Variants in ZNF667 observed in about 807,000 individuals in gnomAD.
The protein encoded by ZNF667 is myocardial ischemic preconditioning upregulated 1 ortholog.
In ZNF667, 13 loss-of-function variants were observed where a neutral mutation model predicts 31.8. The ratio of observed to expected loss-of-function variants is 0.41; its 90% CI spans 0.27 to 0.65. The LOEUF is 0.65. ZNF667 is among the 30% of genes least tolerant of loss of function. ZNF667 has a pLI of 0.32. For missense variants in ZNF667, 642 were observed against 725.6 expected, an observed-to-expected ratio of 0.88 and a Z score of 1.32; for synonymous variants, 228 against 247.1, an observed-to-expected ratio of 0.92 and a Z score of 0.73.
Position 56,440,631 on chromosome 19 carries a change from A to C in ZNF667, c.*531T>G. ...TCTTTAAAACTATGCTGGAAGTAAA[A>C]TATCGGTAATTTTTTTTTTTTTTGA... is the stretch of plus-strand genomic sequence containing the variant. On this transcript the variant is annotated 3_prime_UTR_variant, in exon 7 of 7. Transcript: ENST00000504904. 1.0e-6 allele frequency: 1 copy of C among 957,258 alleles called. No individual in the cohort carries two copies. The highest frequency in any genetic ancestry group is 1.2e-6 in the Non-Finnish European group (1 of 815,258). The allele number at this position is 957,258 out of a possible 1,614,324, so 59.3% of individuals were successfully genotyped here.
chr19:56,450,695 C>T (rs1462175333), intron 6 of ZNF667, among the ~76,000 whole-genome samples: 2 of 152,066 alleles, frequency 1.3e-5, no homozygotes, highest in African/African-American at 4.8e-5. Context: ...AAAATATAAA[C>T]AACAAAAAGT....
intron 3 of ZNF667, chr19:56,469,985 T>A (rs749513153): frequency 2.1e-6 from 1 of 474,718 alleles, no homozygotes; most frequent in African/African-American, 2.0e-5. Context: ...ACACATTCCA[T>A]TGTGAGCACA....
intron 6 of ZNF667, among the ~76,000 whole-genome samples, chr19:56,447,520 G>A (rs1015501266): frequency 6.6e-6 from 1 of 152,096 alleles, no homozygotes; most frequent in South Asian, 2.1e-4. Flanking sequence ...AGGAGTTTAA[G>A]GTTGCAGTGA....
chr19:56,439,752 TC>T lies in ZNF667; in HGVS notation c.*1409del. ...TCACTGCAACCTCCGCCTCCTGGGT[TC>T]AAGCGATTCTTCTCCTTCAGCCTCC... On this transcript the variant is annotated 3_prime_UTR_variant, in exon 7 of 7. Coordinates refer to ENST00000504904, the MANE Select transcript of ZNF667 (RefSeq NM_001321356.2). 1 of 152,792 alleles carries T rather than the reference TC, an allele frequency of 6.5e-6. No individual in the cohort carries two copies. The highest frequency in any genetic ancestry group is 1.9e-4 in the East Asian group (1 of 5,210). 9.5% of individuals were successfully genotyped at this position (152,792 alleles called of 1,614,324 possible).
At chr19:56,454,920 A>C (rs1342496316) in intron 6 of ZNF667, among the ~76,000 whole-genome samples, 1 of 152,034 alleles carries the variant, frequency 6.6e-6, no homozygotes, top group Non-Finnish European at 1.5e-5. Context: ...TTTGCAAACT[A>C]CCCATCTGAC....
chr19:56,446,999 C>T (rs146157940), intron 6 of ZNF667, among the ~76,000 whole-genome samples: 59 of 152,114 alleles, frequency 3.9e-4, no homozygotes, highest in African/African-American at 1.3e-3. Flanking sequence ...ACACCAGACA[C>T]CAAAATTAAT....
intron 3 of ZNF667, chr19:56,468,791 A>G (rs1476385444): frequency 6.6e-6 from 1 of 152,262 alleles, no homozygotes; most frequent in African/African-American, 2.4e-5. Context: ...TGGGCTCAAC[A>G]TAATTACAAA....
intron 6 of ZNF667, among the ~76,000 whole-genome samples, chr19:56,447,850 C>T (rs1309479797): frequency 2.0e-5 from 3 of 152,082 alleles, no homozygotes; most frequent in African/African-American, 7.2e-5. Flanking sequence ...CACTGCACTC[C>T]AGCCTAGGTG....
chr19:56,442,605 G>A lies in ZNF667; in HGVS notation c.390C>T (p.Val130=). 2.5e-6 allele frequency: 4 copies of A among 1,613,972 alleles called. No homozygotes were observed. The highest frequency in any genetic ancestry group is 3.4e-6 in the Non-Finnish European group (4 of 1,179,978). Reference sequence around the variant, plus strand: ...AATGCCCTTTCTTAGGTTTTACTAGGACTGAATTTTTGTTGCAGCCACTCT... The same window carrying A: ...AATGCCCTTTCTTAGGTTTTACTAGAACTGAATTTTTGTTGCAGCCACTCT... The part of the protein sequence containing the change: ...TRKSGCNKNS[V]LVKPKKGHSG... Residue 130 remains valine, a synonymous_variant, in exon 7 of 7, where the codon GTC becomes GTT. Transcript: ENST00000504904.
In ZNF667 at chr19:56,462,356, C is replaced by T. The variant is rs115538778; in HGVS notation, c.15G>A (p.Arg5=). ...CACTTACCTTGGATTTGGATTTCCC[C>T]CGTGCAGAAGGCATCCTTTCCTCCC... MPSA[R]GKSKSKAPIT... is the part of the protein sequence containing the mutation. Residue 5 remains arginine, a synonymous_variant, in exon 4 of 7, where the codon CGG becomes CGA. Coordinates refer to ENST00000504904, the MANE Select transcript of ZNF667 (RefSeq NM_001321356.2). 2 of 1,614,204 alleles carry T rather than the reference C, an allele frequency of 1.2e-6. No homozygotes were observed. The highest frequency in any genetic ancestry group is 1.7e-5 in the Admixed American group (1 of 60,026).
chr19:56,442,912 A>T (rs778557807), intron 6 of ZNF667, among the ~76,000 whole-genome samples, 171 bp from the exon 7 acceptor site: 31 of 152,176 alleles, frequency 2.0e-4, no homozygotes, highest in African/African-American at 4.6e-4. Flanking sequence ...GGCTTTACAG[A>T]GATATTTAAT....
chr19:56,464,194 T>C (rs1384161238), intron 3 of ZNF667, among the ~76,000 whole-genome samples: 2 of 152,234 alleles, frequency 1.3e-5, no homozygotes, highest in Non-Finnish European at 2.9e-5. Context: ...AATGTTAATA[T>C]TTTGATATAG....
At chr19:56,469,236 GCA>G (rs1568454431) in intron 3 of ZNF667, among the ~76,000 whole-genome samples, 2 of 152,170 alleles carry the variant, frequency 1.3e-5, no homozygotes, top group South Asian at 2.1e-4. Context: ...TTGCACACGT[GCA>G]CACACACCCA....
chr19:56,463,669 A>T (rs1377841986), intron 3 of ZNF667, among the ~76,000 whole-genome samples: 2 of 151,968 alleles, frequency 1.3e-5, no homozygotes, highest in East Asian at 3.9e-4. Context: ...CTGGGACCAC[A>T]GGCACCTGCC....
intron 6 of ZNF667, among the ~76,000 whole-genome samples, chr19:56,451,868 CA>C (rs71184363): frequency 5.8e-4 from 47 of 80,950 alleles, no homozygotes; most frequent in East Asian, 2.6e-3. Flanking sequence ...GACCCTGTCT[CA>C]AAAAAAAAAA....
chr19:56,472,823 T>C (rs1041505208), intron 2 of ZNF667: 4 of 152,128 alleles, frequency 2.6e-5, no homozygotes, highest in African/African-American at 9.7e-5. Context: ...AAACTCTATG[T>C]GGATTTTCTA....
At chr19:56,453,756 T>C (rs1011257222) in intron 6 of ZNF667, among the ~76,000 whole-genome samples, 6 of 152,186 alleles carry the variant, frequency 3.9e-5, no homozygotes, top group African/African-American at 1.4e-4. Flanking sequence ...CTGAAAGCCT[T>C]TCCTCTAACA....
chr19:56,450,644 CA>C (rs936461900), intron 6 of ZNF667, among the ~76,000 whole-genome samples: 5 of 151,754 alleles, frequency 3.3e-5, no homozygotes, highest in African/African-American at 1.2e-4. Context: ...GACGGACTGA[CA>C]AAAAAACGGC....
chr19:56,453,226 A>T (rs2042870510), intron 6 of ZNF667, among the ~76,000 whole-genome samples: 1 of 152,204 alleles, frequency 6.6e-6, no homozygotes, highest in African/African-American at 2.4e-5. Flanking sequence ...TTGAAGCTGT[A>T]ATAAAGTTTC....
Sources: allele counts gnomAD v4.1 joint callset (sites outside exome capture counted in the v4.1 genomes callset), GRCh38; gene constraint gnomAD v4.1.1; transcripts MANE v1.5; gene names NCBI Gene and HGNC (gene_info 2026-07-23, HGNC 2026-07-21).